ARHGAP26: variants seen among roughly 807,000 people sequenced by gnomAD.
The protein encoded by ARHGAP26 is Rho GTPase activating protein 26.
A neutral mutation model predicts 104.8 loss-of-function variants in ARHGAP26; 38 were observed. The ratio of observed to expected loss-of-function variants is 0.36; its 90% CI spans 0.28 to 0.48. The LOEUF (loss-of-function observed/expected upper bound fraction) is 0.48. Ranked by LOEUF, ARHGAP26 falls within the 20% of genes least tolerant of loss-of-function variation. The pLI, the probability that ARHGAP26 is intolerant of heterozygous loss-of-function variation, is 0.99. For synonymous variants in ARHGAP26, 341 were observed against 340.0 expected (o/e 1.00, Z -0.03); for missense variants, 704 against 947.9 (o/e 0.74, Z 3.38).
intron 17 of ARHGAP26, among the ~76,000 whole-genome samples, chr5:143,061,081 TTTTAC>T (rs1227793929): frequency 6.6e-6 from 1 of 152,212 alleles, no homozygotes; most frequent in African/African-American, 2.4e-5. Flanking sequence ...CAAAAGGCAT[TTTTAC>T]TTTTGCGTGA....
intron 17 of ARHGAP26, among the ~76,000 whole-genome samples, chr5:143,119,880 T>C (rs1287311913): frequency 6.7e-6 from 1 of 149,038 alleles, no homozygotes; most frequent in Non-Finnish European, 1.5e-5. Context: ...CAGTATAATC[T>C]CTTTTCTTCC....
chr5:143,022,448 T>A (rs1780487639), intron 12 of ARHGAP26, among the ~76,000 whole-genome samples: 1 of 152,134 alleles, frequency 6.6e-6, no homozygotes, highest in African/African-American at 2.4e-5. Context: ...ATAGTAAATA[T>A]TTTTATTTTT....
chr5:143,036,447 C>G (rs1467977216), intron 12 of ARHGAP26, among the ~76,000 whole-genome samples: 1 of 152,162 alleles, frequency 6.6e-6, no homozygotes, highest in African/African-American at 2.4e-5. Flanking sequence ...GCTCATTTCC[C>G]CCTAGAGGAT....
At chr5:142,817,209 A>T (rs138682779) in intron 1 of ARHGAP26, among the ~76,000 whole-genome samples, 11 of 152,216 alleles carry the variant, frequency 7.2e-5, no homozygotes, top group Admixed American at 5.2e-4. Flanking sequence ...AGAGAAGCAG[A>T]TGGGAGGGGA....
intron 22 of ARHGAP26, 77 bp downstream of exon 22, chr5:143,214,165 A>C (rs1809960375): frequency 1.1e-6 from 1 of 899,776 alleles, no homozygotes; most frequent in East Asian, 2.8e-5. Flanking sequence ...TGGCATTTTC[A>C]AAGCTCCTCC....
At chr5:142,846,767 T>A (rs1163706036) in intron 1 of ARHGAP26, among the ~76,000 whole-genome samples, 1 of 152,222 alleles carries the variant, frequency 6.6e-6, no homozygotes, top group Non-Finnish European at 1.5e-5. Flanking sequence ...TTGAGTAGTT[T>A]GGCAGATGTC....
intron 11 of ARHGAP26, among the ~76,000 whole-genome samples, chr5:143,011,195 C>T (rs899298625): frequency 9.9e-5 from 15 of 152,116 alleles, no homozygotes; most frequent in African/African-American, 3.1e-4. Flanking sequence ...TCTGTTGGCA[C>T]TAGCCCCCAC....
Position 142,889,117 on chromosome 5 carries a change from C to T in ARHGAP26, c.486+3718C>T, listed in dbSNP as rs141297355. On this transcript the variant is annotated intron_variant, in intron 5 of 22. Transcript: ENST00000645722. Reference sequence around the variant, plus strand: ...TCTTCTTCCTTTTCCTTTGGGAATGCATTGAGTTATGCATTTGTTCTTAGT... The same window carrying T: ...TCTTCTTCCTTTTCCTTTGGGAATGTATTGAGTTATGCATTTGTTCTTAGT... Among the ~76,000 whole-genome samples the T allele has an allele frequency of 4.6e-5, 7 of 152,310 alleles. No homozygotes were observed. The East Asian group carries it at 1.3e-3, about 29-fold the overall frequency.
intron 20 of ARHGAP26, among the ~76,000 whole-genome samples, chr5:143,180,773 G>A (rs1378182671): frequency 6.6e-6 from 1 of 152,102 alleles, no homozygotes. Flanking sequence ...TAGACATGTG[G>A]GAATTACAAT....
chr5:142,819,248 T>C (rs1597764683), intron 1 of ARHGAP26, among the ~76,000 whole-genome samples: 1 of 151,352 alleles, frequency 6.6e-6, no homozygotes, highest in African/African-American at 2.4e-5. Context: ...GTGCCCTAAT[T>C]ACAAATTCCC....
At chr5:142,960,301 A>G (rs562623273) in intron 11 of ARHGAP26, among the ~76,000 whole-genome samples, 1 of 152,272 alleles carries the variant, frequency 6.6e-6, no homozygotes, top group Non-Finnish European at 1.5e-5. Flanking sequence ...AAGAGCAGAA[A>G]ATCTATAAGC....
At chr5:143,117,506 A>G (rs1438367980) in intron 17 of ARHGAP26, among the ~76,000 whole-genome samples, 1 of 152,210 alleles carries the variant, frequency 6.6e-6, no homozygotes, top group Non-Finnish European at 1.5e-5. Context: ...GTGCCGAAAG[A>G]TAATGGTCAT....
intron 1 of ARHGAP26, among the ~76,000 whole-genome samples, chr5:142,833,708 C>T (rs1227128938): frequency 2.0e-5 from 3 of 152,146 alleles, no homozygotes; most frequent in South Asian, 2.1e-4. Flanking sequence ...GCATTAGGGG[C>T]GGAGGCCTGG....
At chr5:142,977,310 G>A (rs973637529) in intron 11 of ARHGAP26, among the ~76,000 whole-genome samples, 12 of 151,966 alleles carry the variant, frequency 7.9e-5, no homozygotes, top group African/African-American at 2.7e-4. Context: ...TGAGATTATG[G>A]TTCCTTTTAT....
At chr5:142,968,386 C>A (rs1411242651) in intron 11 of ARHGAP26, among the ~76,000 whole-genome samples, 1 of 152,158 alleles carries the variant, frequency 6.6e-6, no homozygotes, top group Non-Finnish European at 1.5e-5. Context: ...GCTTCTTAGC[C>A]TGTCCTTTCT....
At chr5:143,196,028 T>G (rs1806775672) in intron 20 of ARHGAP26, among the ~76,000 whole-genome samples, 1 of 152,190 alleles carries the variant, frequency 6.6e-6, no homozygotes, top group Non-Finnish European at 1.5e-5. Flanking sequence ...GGAATGCTAC[T>G]AATATGTTAA....
chr5:142,841,157 C>T (rs890856807), intron 1 of ARHGAP26, among the ~76,000 whole-genome samples: 4 of 152,088 alleles, frequency 2.6e-5, no homozygotes, highest in East Asian at 1.9e-4. Flanking sequence ...GTATCAGCCT[C>T]GGGGGTCTGG....
chr5:143,014,788 T>C (rs551208540), intron 12 of ARHGAP26, among the ~76,000 whole-genome samples: 43 of 152,322 alleles, frequency 2.8e-4, no homozygotes, highest in South Asian at 8.3e-4. Flanking sequence ...ATGTTTGGGC[T>C]GATTATCTCC....
chr5:142,811,411 A>AT (rs1764043315), intron 1 of ARHGAP26, among the ~76,000 whole-genome samples: 1 of 152,216 alleles, frequency 6.6e-6, no homozygotes, highest in Non-Finnish European at 1.5e-5. Context: ...CCTGGGTGGC[A>AT]TAGAGTAGAA....
Sources: allele counts gnomAD v4.1 joint callset (sites outside exome capture counted in the v4.1 genomes callset), GRCh38; gene constraint gnomAD v4.1.1; transcripts MANE v1.5; gene names NCBI Gene and HGNC (gene_info 2026-07-23, HGNC 2026-07-21).